The following VPS37D variants were observed in gnomAD, a reference collection of about 807,000 sequenced individuals.
VPS37D encodes the protein vacuolar protein sorting-associated protein 37D.
A neutral mutation model predicts 22.0 loss-of-function variants in VPS37D; 5 were observed. That is an observed-to-expected ratio of 0.23 (90% CI 0.12 to 0.48). The LOEUF (loss-of-function observed/expected upper bound fraction) is 0.48, where lower values mean the gene tolerates loss of function less well. Ranked by LOEUF, VPS37D falls within the 20% of genes least tolerant of loss-of-function variation. The pLI, the probability that VPS37D is intolerant of heterozygous loss-of-function variation, is 0.99. For synonymous variants in VPS37D, 174 were observed against 159.3 expected (o/e 1.09, Z -0.69); for missense variants, 384 against 345.8 (o/e 1.11, Z -0.88).
chr7:73,670,632 A>AC (rs1350614873), intron 3 of VPS37D, among the ~76,000 whole-genome samples: 1 of 151,768 alleles, frequency 6.6e-6, no homozygotes, highest in South Asian at 2.1e-4. Flanking sequence ...ACATGGTGAA[A>AC]CCCCGTCTCT....
Position 73,668,116 on chromosome 7 carries a change from C to A in VPS37D, c.138+20C>A. 9.3e-7 allele frequency: 1 copy of A among 1,069,998 alleles called. No homozygotes were observed. 66.3% of individuals were successfully genotyped at this position (1,069,998 alleles called of 1,614,324 possible). A position where few individuals can be genotyped will look rare whatever the true frequency, so the allele number is the denominator to read the frequency against. ...AGGAAGGTAGCGCGGGGGGCTCGAG[C>A]GGGGGGCGCGGGGGACGGGCAGCGG... On this transcript the variant is annotated intron_variant, in intron 1 of 3. Transcript: ENST00000324941.
upstream of VPS37D, among the ~76,000 whole-genome samples, chr7:73,665,491 C>A (rs915717691): frequency 3.3e-5 from 5 of 152,016 alleles, no homozygotes; most frequent in Non-Finnish European, 5.9e-5. Flanking sequence ...TGGTGATATT[C>A]CAGATGAGTC....
chr7:73,668,027 C>T lies in VPS37D; in HGVS notation c.69C>T (p.Ser23=), dbSNP rs1554608989. ...PGSPGRFGIL[S]TGQLRDLLQD... ...GCCCGGGGCGCTTTGGGATCCTCAG[C>T]ACCGGGCAGCTCCGGGACCTGCTTC... is the stretch of plus-strand genomic sequence containing the variant. The change falls in exon 1 of 4, where the codon AGC becomes AGT. Residue 23 remains serine (S), a synonymous_variant. Coordinates refer to ENST00000324941, the MANE Select transcript of VPS37D (RefSeq NM_001077621.2). 31 of 1,158,372 alleles carry T rather than the reference C, an allele frequency of 2.7e-5. No individual in the cohort carries two copies. The highest frequency in any genetic ancestry group is 2.9e-5 in the Non-Finnish European group (27 of 930,620). 71.8% of individuals were successfully genotyped at this position (1,158,372 alleles called of 1,614,324 possible).
At position 73,670,106 on chromosome 7, in the gene VPS37D, AG is replaced by A. The variant is rs1797473306; in HGVS notation, c.393+8del. ...AGAGGCGGAGCAGGAGGCAGAGGTG[AG>A]GGGAGGGGTGGCTGGGGCTGGGGGC... On this transcript the variant is annotated splice_donor_5th_base_variant and intron_variant, in intron 3 of 3. Transcript: ENST00000324941. The A allele has an allele frequency of 9.4e-7, 1 of 1,065,992 alleles. No homozygotes were observed. The highest frequency in any genetic ancestry group is 5.3e-5 in the East Asian group (1 of 19,012). 66.0% of individuals were successfully genotyped at this position (1,065,992 alleles called of 1,614,324 possible).
chr7:73,670,545 C>G (rs369672150), intron 3 of VPS37D, among the ~76,000 whole-genome samples: 66 of 152,314 alleles, frequency 4.3e-4, no homozygotes, highest in African/African-American at 1.5e-3. Context: ...CAGTGGCTCA[C>G]GCCTGTAATC....
intron 1 of VPS37D, among the ~76,000 whole-genome samples, chr7:73,668,590 G>T (rs1227478303): frequency 6.6e-6 from 1 of 152,012 alleles, no homozygotes; most frequent in South Asian, 2.1e-4. Context: ...GCCACCGTAA[G>T]AGAAAGTTGT....
Position 73,671,104 on chromosome 7 carries a change from C to G in VPS37D, c.484C>G (p.Arg162Gly). The G allele has an allele frequency of 6.2e-7, 1 of 1,609,802 alleles. No individual in the cohort carries two copies. Among genetic ancestry groups the G allele is most frequent in the Non-Finnish European group, 8.5e-7 (1 of 1,179,508 alleles). ...TGGCCGCGCCCTGGCCCACCTGAGG[C>G]GGACGCAGGCAGAGAAGCTGCAGGA... The part of the protein sequence containing the change: ...QRGRALAHLR[R>G]TQAEKLQELL... Residue 162 changes from arginine (R) to glycine (G), a missense_variant, in exon 4 of 4, where the codon CGG becomes GGG. Transcript: ENST00000324941.
intron 1 of VPS37D, among the ~76,000 whole-genome samples, chr7:73,668,783 T>C (rs1797439522): frequency 6.6e-6 from 1 of 151,688 alleles, no homozygotes; most frequent in African/African-American, 2.4e-5. Flanking sequence ...AAAAGCCTTC[T>C]CCAGGGCCGG....
At chr7:73,667,813 G>A (rs1797410692), upstream of VPS37D, 2 of 188,698 alleles carry the variant, frequency 1.1e-5, no homozygotes, top group African/African-American at 4.8e-5. Flanking sequence ...AAGAGCGGGA[G>A]GGGCGCCCCC....
chr7:73,668,111 T>C lies in VPS37D; in HGVS notation c.138+15T>C. On this transcript the variant is annotated intron_variant, in intron 1 of 3. Coordinates refer to ENST00000324941, the MANE Select transcript of VPS37D (RefSeq NM_001077621.2). ...TCAGCAGGAAGGTAGCGCGGGGGGC[T>C]CGAGCGGGGGGCGCGGGGGACGGGC... The C allele has an allele frequency of 3.0e-6, 3 of 1,002,962 alleles. No individual in the cohort carries two copies. The highest frequency in any genetic ancestry group is 5.6e-5 in the Admixed American group (1 of 17,934). The allele number at this position is 1,002,962 out of a possible 1,614,324, so 62.1% of individuals were successfully genotyped here.
chr7:73,669,966 G>A (rs1797469271), intron 2 of VPS37D, 54 bp from the exon 3 acceptor site: 6 of 1,551,096 alleles, frequency 3.9e-6, no homozygotes, highest in Non-Finnish European at 5.2e-6. Context: ...CAGCGGGAGA[G>A]TGCAAGCCCG....
chr7:73,667,426 C>G (rs1407880153), upstream of VPS37D, among the ~76,000 whole-genome samples: 1 of 152,172 alleles, frequency 6.6e-6, no homozygotes. Flanking sequence ...CCACCGCGCC[C>G]GGCCAGCAAG....
At chr7:73,667,206 C>T (rs942534659), upstream of VPS37D, among the ~76,000 whole-genome samples, 2 of 151,826 alleles carry the variant, frequency 1.3e-5, no homozygotes, top group Non-Finnish European at 2.9e-5. Flanking sequence ...GATCTCCTGA[C>T]CTCGTGATCC....
rs559572722 is a variant in VPS37D at position 73,671,324 on chromosome 7, C to T, written c.704C>T (p.Pro235Leu). 3.8e-5 allele frequency: 52 copies of T among 1,381,352 alleles called. No individual in the cohort carries two copies. Among genetic ancestry groups the T allele is most frequent in the East Asian group, 5.7e-5 (2 of 34,808 alleles). The allele number at this position is 1,381,352 out of a possible 1,614,324, so 85.6% of individuals were successfully genotyped here. A position where few individuals can be genotyped will look rare whatever the true frequency, so the allele number is the denominator to read the frequency against. The change falls in exon 4 of 4, where the codon CCG (proline) becomes CTG (leucine). Residue 235 changes from proline (P) to leucine (L), a missense_variant. Coordinates refer to ENST00000324941, the MANE Select transcript of VPS37D (RefSeq NM_001077621.2). ...LKGSPGCPLG[P>L]APLLSPRPSQ... Reference sequence around the variant, plus strand: ...GGCTCCCCCGGGTGCCCCCTCGGCCCGGCCCCCCTGCTGAGCCCTCGGCCC... The same window carrying T: ...GGCTCCCCCGGGTGCCCCCTCGGCCTGGCCCCCCTGCTGAGCCCTCGGCCC...
upstream of VPS37D, among the ~76,000 whole-genome samples, chr7:73,667,269 C>T (rs1554608832): frequency 3.3e-5 from 5 of 152,172 alleles, no homozygotes; most frequent in South Asian, 8.3e-4. Context: ...CCACCGCGCC[C>T]GGCCTCTTTT....
chr7:73,670,403 G>A (rs1475360481), intron 3 of VPS37D, among the ~76,000 whole-genome samples: 1 of 152,222 alleles, frequency 6.6e-6, no homozygotes, highest in Admixed American at 6.5e-5. Flanking sequence ...CGATCAGTGA[G>A]CTGAAGGTGG....
upstream of VPS37D, among the ~76,000 whole-genome samples, chr7:73,667,226 G>A (rs1167518531): frequency 6.6e-6 from 1 of 151,656 alleles, no homozygotes; most frequent in Non-Finnish European, 1.5e-5. Flanking sequence ...CGCCCGCCTC[G>A]GCCTCCCAAA....
Position 73,669,480 on chromosome 7 carries a change from A to T in VPS37D, c.200A>T (p.Glu67Val), listed in dbSNP as rs782491581. Residue 67 changes from glutamate to valine, a missense_variant, in exon 2 of 4, where the codon GAG becomes GTG. Glu to Val is a moderately radical substitution (Grantham distance 121). Coordinates refer to ENST00000324941, the MANE Select transcript of VPS37D (RefSeq NM_001077621.2). ...GCCTCCAACTACGCGCTGGCCAAGGAGAACCTGGCCCTGCGGCCCCGCCTG... is the reference window on the plus strand; with the variant it reads ...GCCTCCAACTACGCGCTGGCCAAGGTGAACCTGGCCCTGCGGCCCCGCCTG... ...CLASNYALAK[E>V]NLALRPRLEM... 1.8e-5 allele frequency: 29 copies of T among 1,582,996 alleles called. No homozygotes were observed. Among genetic ancestry groups the T allele is most frequent in the Non-Finnish European group, 2.3e-5 (27 of 1,165,126 alleles).
chr7:73,667,814 G>T, upstream of VPS37D: 1 of 189,556 alleles, frequency 5.3e-6, no homozygotes, highest in South Asian at 1.7e-4. Context: ...AGAGCGGGAG[G>T]GGCGCCCCCT....
Sources: allele counts gnomAD v4.1 joint callset (sites outside exome capture counted in the v4.1 genomes callset), GRCh38; gene constraint gnomAD v4.1.1; transcripts MANE v1.5; gene names NCBI Gene and HGNC (gene_info 2026-07-23, HGNC 2026-07-21).